PCDHA6: variants seen among roughly 807,000 people sequenced by gnomAD.
The protein encoded by PCDHA6 is protocadherin alpha 6.
In PCDHA6, 55 loss-of-function variants were observed where a neutral mutation model predicts 60.3. That is an observed-to-expected ratio of 0.91 (90% CI 0.73 to 1.14). PCDHA6 has a LOEUF of 1.14. PCDHA6 is among the 50% of genes most tolerant of loss of function. The pLI, the probability that PCDHA6 is intolerant of heterozygous loss-of-function variation, is 0.00. For synonymous variants in PCDHA6, 652 were observed against 557.9 expected (o/e 1.17, Z -2.38); for missense variants, 1,327 against 1,256.5 (o/e 1.06, Z -0.85).
At chr5:140,859,289 A>G (rs2045796105) in intron 1 of PCDHA6, 1 of 129,084 alleles carries the variant, frequency 7.7e-6, no homozygotes, top group African/African-American at 2.7e-5. Context: ...GAGACTGAAA[A>G]TACTTTAGTA....
At chr5:140,954,520 A>G (rs1554221455) in intron 1 of PCDHA6, among the ~76,000 whole-genome samples, 1 of 152,192 alleles carries the variant, frequency 6.6e-6, no homozygotes, top group Admixed American at 6.6e-5. Context: ...CCTAATGATC[A>G]GTGATGTTGA....
rs1562832308 is a variant in PCDHA6 at position 140,887,757 on chromosome 5, CAT to C, written c.2394+57275_2394+57276del. 3.3e-5 allele frequency among the ~76,000 whole-genome samples: 5 copies of C among 152,284 alleles called. No homozygotes were observed. In the East Asian group the frequency reaches 9.6e-4, roughly 29 times the overall value. On this transcript the variant is annotated intron_variant, in intron 1 of 3. Transcript: ENST00000529310. ...CATCCTTTCTGAGACTCCAGTAACA[CAT>C]ATGTTACAATGACACAGGTCATTGA...
intron 1 of PCDHA6, among the ~76,000 whole-genome samples, chr5:140,887,315 C>G (rs1239122037): frequency 1.3e-5 from 2 of 152,116 alleles, no homozygotes; most frequent in Non-Finnish European, 2.9e-5. Flanking sequence ...CCAGGATAGT[C>G]TCGAACTCCT....
At chr5:140,964,383 G>A (rs543441248) in intron 1 of PCDHA6, among the ~76,000 whole-genome samples, 1 of 152,142 alleles carries the variant, frequency 6.6e-6, no homozygotes, top group Non-Finnish European at 1.5e-5. Context: ...GAGAGTCCTG[G>A]TTTTTCTCCC....
intron 1 of PCDHA6, among the ~76,000 whole-genome samples, chr5:140,838,271 G>A (rs1439156541): frequency 7.8e-6 from 1 of 127,938 alleles, no homozygotes; most frequent in Non-Finnish European, 1.6e-5. Context: ...CAACAACCAA[G>A]CCATGCTAAT....
intron 1 of PCDHA6, among the ~76,000 whole-genome samples, chr5:140,945,754 G>T (rs1206591237): frequency 1.3e-5 from 2 of 152,078 alleles, no homozygotes; most frequent in African/African-American, 4.8e-5. Context: ...TTCAATAAAT[G>T]GTGGTGGGAC....
chr5:140,952,303 AC>A (rs1554220328), intron 1 of PCDHA6, among the ~76,000 whole-genome samples: 1 of 147,998 alleles, frequency 6.8e-6, no homozygotes, highest in African/African-American at 2.5e-5. Flanking sequence ...CAGCCATTTC[AC>A]TCCAGCCTGG....
intron 1 of PCDHA6, among the ~76,000 whole-genome samples, chr5:140,885,265 T>C (rs2060534945): frequency 6.6e-6 from 1 of 152,186 alleles, no homozygotes; most frequent in African/African-American, 2.4e-5. Flanking sequence ...TAATTACTCA[T>C]ACATATATAT....
rs2150172095 is a variant in PCDHA6, at chr5:140,829,650, T to C, written c.1559T>C (p.Leu520Pro). Reference sequence around the variant, plus strand: ...GCGGAGAGCGGCAAGGTGTACGCGCTGCAGCCGCTGGACCACGAGGAGCTA... The same window carrying C: ...GCGGAGAGCGGCAAGGTGTACGCGCCGCAGCCGCTGGACCACGAGGAGCTA... ...VHAESGKVYA[L>P]QPLDHEELEL... Residue 520 changes from leucine (L) to proline (P), a missense_variant, in exon 1 of 4, where the codon CTG becomes CCG. Leu to Pro is a moderately conservative substitution (Grantham distance 98). Coordinates refer to ENST00000529310, the MANE Select transcript of PCDHA6 (RefSeq NM_018909.4). 3 of 1,612,396 alleles carry C rather than the reference T, an allele frequency of 1.9e-6. No individual in the cohort carries two copies. Among genetic ancestry groups the C allele is most frequent in the Non-Finnish European group, 1.7e-6 (2 of 1,179,798 alleles).
chr5:140,896,092 TG>T (rs2065379013), intron 1 of PCDHA6, among the ~76,000 whole-genome samples: 1 of 152,194 alleles, frequency 6.6e-6, no homozygotes, highest in Non-Finnish European at 1.5e-5. Context: ...ATTACAGGCG[TG>T]AGCCACTGTG....
intron 1 of PCDHA6, chr5:140,841,825 A>G (rs1422577295): frequency 5.0e-6 from 8 of 1,613,926 alleles, no homozygotes; most frequent in Non-Finnish European, 6.8e-6. Context: ...ACTCCGTGTT[A>G]ACCTACAGGC....
chr5:140,846,373 C>CTTTTTTTTTTTTTTTTTTT (rs374699051), intron 1 of PCDHA6, among the ~76,000 whole-genome samples: 1 of 55,152 alleles, frequency 1.8e-5, no homozygotes, highest in Admixed American at 2.3e-4. Flanking sequence ...TTCTTTCTTT[C>CTTTTTTTTTTTTTTTTTTT]TTTTTTTTTT....
intron 2 of PCDHA6, among the ~76,000 whole-genome samples, chr5:140,980,491 G>A (rs917181390): frequency 2.6e-5 from 4 of 152,132 alleles, no homozygotes; most frequent in Non-Finnish European, 5.9e-5. Flanking sequence ...TTAGCTGGGC[G>A]TGATGGCATG....
intron 1 of PCDHA6, among the ~76,000 whole-genome samples, chr5:140,833,628 T>G (rs1343901945): frequency 2.0e-5 from 3 of 152,146 alleles, no homozygotes; most frequent in African/African-American, 7.2e-5. Context: ...GAATACTTCC[T>G]CCTCAAAAAG....
At chr5:140,975,309 T>C (rs182558596) in intron 1 of PCDHA6, among the ~76,000 whole-genome samples, 161 of 152,342 alleles carry the variant, frequency 1.1e-3, no homozygotes, top group African/African-American at 3.2e-3. Flanking sequence ...CTCATGTGAT[T>C]ATGTCAGTCC....
At chr5:140,963,911 T>C (rs2095797811) in intron 1 of PCDHA6, among the ~76,000 whole-genome samples, 1 of 152,238 alleles carries the variant, frequency 6.6e-6, no homozygotes, top group African/African-American at 2.4e-5. Context: ...AAGTGAAGCT[T>C]AGGCTAAGTA....
intron 3 of PCDHA6, among the ~76,000 whole-genome samples, chr5:141,008,870 C>G (rs539100133): frequency 1.4e-4 from 22 of 152,126 alleles, no homozygotes; most frequent in Non-Finnish European, 7.3e-5. Flanking sequence ...ATGCTGCATC[C>G]CACCACCCTT....
In PCDHA6 at chr5:140,883,232, G is replaced by C. The variant is rs782490836; in HGVS notation, c.2394+52747G>C. 3 of 1,613,952 alleles carry C rather than the reference G, an allele frequency of 1.9e-6. No individual in the cohort carries two copies. The Admixed American group carries it at 5.0e-5, about 27-fold the overall frequency. On this transcript the variant is annotated intron_variant, in intron 1 of 3. Transcript: ENST00000529310. ...GAAATTATATGAAATATCCGTGGAGGCAGTTGACAAAGGAAATATTCCAAT... is the reference window on the plus strand; with the variant it reads ...GAAATTATATGAAATATCCGTGGAGCCAGTTGACAAAGGAAATATTCCAAT...
At chr5:140,862,493 C>T (rs1554156460) in intron 1 of PCDHA6, 4 of 388,658 alleles carry the variant, frequency 1.0e-5, no homozygotes, top group Admixed American at 3.4e-5. Context: ...GGTAATCGCT[C>T]GGAATGGGGA....
Sources: gnomAD v4.1 joint callset for allele counts (sites outside exome capture counted in the v4.1 genomes callset) on GRCh38, gnomAD v4.1.1 for gene constraint, MANE v1.5 for transcripts, NCBI Gene and HGNC (gene_info 2026-07-23, HGNC 2026-07-21) for gene names.